The following RBM47 variants were observed in gnomAD, a reference collection of about 807,000 sequenced individuals.
RBM47 encodes the protein RNA binding motif protein 47.
RBM47 carries 21 observed loss-of-function variants against 47.1 expected under a neutral mutation model. That is an observed-to-expected ratio of 0.45 (90% confidence interval 0.32 to 0.64). The LOEUF (loss-of-function observed/expected upper bound fraction) is 0.64. Among genes scored for constraint, RBM47 ranks in the 30% least tolerant of loss-of-function variants. RBM47 has a pLI of 0.05. For synonymous variants in RBM47, 375 were observed against 361.7 expected, an observed-to-expected ratio of 1.04 and a Z score of -0.42; for missense variants, 708 against 870.9, an observed-to-expected ratio of 0.81 and a Z score of 2.35.
Position 40,554,782 on chromosome 4 carries a change from C to CT in RBM47, c.-239-10277dup, listed in dbSNP as rs749295455. 1.2e-3 allele frequency among the ~76,000 whole-genome samples: 177 copies of CT among 141,636 alleles called. 2 individuals carry two copies. In the East Asian group the frequency reaches 0.015, roughly 12 times the overall value. The allele number at this position is 141,636 out of a possible 152,430, so 92.9% of individuals were successfully genotyped here. A position where few individuals can be genotyped will look rare whatever the true frequency, so the allele number is the denominator to read the frequency against. Reference sequence around the variant, plus strand: ...TTTCCCTCCCTCCCTCCCTTTCTTCCTTTTTTTTTTAACGAATCTCCCAGG... The same window carrying CT: ...TTTCCCTCCCTCCCTCCCTTTCTTCCTTTTTTTTTTTAACGAATCTCCCAGG... On this transcript the variant is annotated intron_variant, in intron 1 of 6. Transcript: ENST00000295971.
chr4:40,538,074 A>G (rs543836356), intron 2 of RBM47, among the ~76,000 whole-genome samples: 1 of 152,228 alleles, frequency 6.6e-6, no homozygotes, highest in South Asian at 2.1e-4. Context: ...TATGTTTATA[A>G]ACAGCAAAGG....
At chr4:40,507,074 A>T (rs1577834646) in intron 2 of RBM47, among the ~76,000 whole-genome samples, 1 of 152,168 alleles carries the variant, frequency 6.6e-6, no homozygotes, top group African/African-American at 2.4e-5. Flanking sequence ...CTCCTGACTC[A>T]GCCTCCCGAG....
chr4:40,433,374 G>A (rs1041902491), intron 5 of RBM47, among the ~76,000 whole-genome samples: 1 of 152,118 alleles, frequency 6.6e-6, no homozygotes, highest in African/African-American at 2.4e-5. Context: ...AGGGATGGGT[G>A]GTGGCAGGTA....
At chr4:40,605,818 C>A (rs557624516) in intron 1 of RBM47, among the ~76,000 whole-genome samples, 1 of 149,212 alleles carries the variant, frequency 6.7e-6, no homozygotes, top group Non-Finnish European at 1.5e-5. Flanking sequence ...GCAAGGGGAG[C>A]GAGACTCCAT....
chr4:40,554,845 T>C (rs1385800824), intron 1 of RBM47, among the ~76,000 whole-genome samples: 1 of 143,332 alleles, frequency 7.0e-6, no homozygotes, highest in Non-Finnish European at 1.5e-5. Context: ...TGCTGCAACC[T>C]CCACCTCCAG....
intron 1 of RBM47, among the ~76,000 whole-genome samples, chr4:40,606,467 A>C (rs1735768333): frequency 6.6e-6 from 1 of 152,188 alleles, no homozygotes; most frequent in Non-Finnish European, 1.5e-5. Context: ...CAGAGGACAC[A>C]CAATCTCTGG....
rs187492224 is a variant in RBM47, at chr4:40,588,142, C to T, written c.-240+41254G>A. ...CAGTTGCCACATAAAATAAAGGATA[C>T]GCAGTAAATCTGAATATCAGATAAG... On this transcript the variant is annotated intron_variant, in intron 1 of 6. Coordinates refer to ENST00000295971, the MANE Select transcript of RBM47 (RefSeq NM_001098634.2). Among the ~76,000 whole-genome samples the T allele has an allele frequency of 2.1e-3, 317 of 152,234 alleles. 1 individual carries two copies. Among genetic ancestry groups the T allele is most frequent in the Admixed American group, 3.7e-3 (56 of 15,276 alleles).
At chr4:40,522,014 C>A (rs1726240973) in intron 2 of RBM47, among the ~76,000 whole-genome samples, 3 of 152,148 alleles carry the variant, frequency 2.0e-5, no homozygotes, top group East Asian at 1.9e-4. Flanking sequence ...AAAATACATA[C>A]TGAAATGTTT....
chr4:40,592,603 TA>T (rs1734260466), intron 1 of RBM47, among the ~76,000 whole-genome samples: 1 of 151,510 alleles, frequency 6.6e-6, no homozygotes, highest in Non-Finnish European at 1.5e-5. Flanking sequence ...TTTGTATTTT[TA>T]GTAGAGACGG....
intron 2 of RBM47, among the ~76,000 whole-genome samples, chr4:40,507,839 A>T (rs530638618): frequency 1.1e-4 from 16 of 152,138 alleles, no homozygotes; most frequent in African/African-American, 2.7e-4. Flanking sequence ...ATTTGAAGGG[A>T]AAAAGAGACA....
chr4:40,585,030 C>T (rs1359802794), intron 1 of RBM47, among the ~76,000 whole-genome samples: 1 of 152,164 alleles, frequency 6.6e-6, no homozygotes, highest in Non-Finnish European at 1.5e-5. Flanking sequence ...AAAATTAAGG[C>T]AGAGAAAATG....
In RBM47 at chr4:40,494,610, G is replaced by A. The variant is rs981248199; in HGVS notation, c.-154-27911C>T. On this transcript the variant is annotated intron_variant, in intron 2 of 6. Transcript: ENST00000295971. ...CTAAATCAGAGATCAACAAAGCACC[G>A]CATTGAGACGAGGGCTCTCAGGTGT... Among the ~76,000 whole-genome samples, 6 of 152,268 alleles carry A rather than the reference G, an allele frequency of 3.9e-5. No homozygotes were observed. In the East Asian group the frequency reaches 5.8e-4, roughly 15 times the overall value.
At chr4:40,491,853 T>C (rs189894271) in intron 2 of RBM47, 65 of 201,582 alleles carry the variant, frequency 3.2e-4, no homozygotes, top group African/African-American at 1.2e-3. Flanking sequence ...TGTGGCTACA[T>C]TGCCAAGTGC....
intron 2 of RBM47, among the ~76,000 whole-genome samples, chr4:40,513,933 C>G (rs138048142): frequency 6.6e-6 from 1 of 151,770 alleles, no homozygotes; most frequent in African/African-American, 2.4e-5. Flanking sequence ...TGGCCAGGCT[C>G]GTCTCGAACT....
intron 1 of RBM47, among the ~76,000 whole-genome samples, chr4:40,596,723 G>A (rs1734789485): frequency 6.6e-6 from 1 of 152,066 alleles, no homozygotes; most frequent in Non-Finnish European, 1.5e-5. Context: ...CCTTGTGTAT[G>A]AGTACACACC....
intron 1 of RBM47, among the ~76,000 whole-genome samples, chr4:40,592,549 CA>C (rs1734255004): frequency 6.6e-6 from 1 of 151,744 alleles, no homozygotes; most frequent in South Asian, 2.1e-4. Context: ...CCCAGCCTCC[CA>C]TGTAGCTAGG....
At chr4:40,487,007 AG>A (rs1721181727) in intron 2 of RBM47, among the ~76,000 whole-genome samples, 1 of 152,228 alleles carries the variant, frequency 6.6e-6, no homozygotes, top group Non-Finnish European at 1.5e-5. Context: ...AGTCAAGGCC[AG>A]TATTTCTTTA....
intron 1 of RBM47, among the ~76,000 whole-genome samples, chr4:40,609,206 CTGGTCT>C (rs1173434965): frequency 6.6e-6 from 1 of 152,010 alleles, no homozygotes; most frequent in African/African-American, 2.4e-5. Context: ...GTTGACCAGG[CTGGTCT>C]TAAACTCCCG....
intron 1 of RBM47, among the ~76,000 whole-genome samples, chr4:40,594,592 G>A (rs569692933): frequency 2.6e-5 from 4 of 152,110 alleles, no homozygotes; most frequent in East Asian, 3.9e-4. Context: ...CACTTCATTC[G>A]TGGTCAAACC....
Sources: gnomAD v4.1 joint callset for allele counts (sites outside exome capture counted in the v4.1 genomes callset) on GRCh38, gnomAD v4.1.1 for gene constraint, MANE v1.5 for transcripts, NCBI Gene and HGNC (gene_info 2026-07-23, HGNC 2026-07-21) for gene names.